Variants in NBAS observed in about 807,000 individuals in gnomAD.
NBAS encodes the protein NAG/BC035112 fusion.
NBAS carries 219 observed loss-of-function variants against 302.5 expected under a neutral mutation model. That is an observed-to-expected ratio of 0.72 (90% CI 0.65 to 0.81). NBAS has a LOEUF of 0.81. NBAS is among the 30% of genes least tolerant of loss of function. NBAS has a pLI of 0.00. For missense variants in NBAS, 2,932 were observed against 2,841.6 expected, an observed-to-expected ratio of 1.03 and a Z score of -0.72; for synonymous variants, 1,118 against 1,021.6, an observed-to-expected ratio of 1.09 and a Z score of -1.80.
At chr2:15,554,419 T>C (rs1664546911) in intron 3 of NBAS, among the ~76,000 whole-genome samples, 1 of 151,602 alleles carries the variant, frequency 6.6e-6, no homozygotes, top group Non-Finnish European at 1.5e-5. Flanking sequence ...CAGAGCAGAG[T>C]ACACTTATAC....
chr2:15,551,620 G>A lies in NBAS; in HGVS notation c.336-84C>T. On this transcript the variant is annotated intron_variant, in intron 5 of 51. Transcript: ENST00000281513. ...AATACCAGATACTGTGGACTAGACA[G>A]CCTCTATATACAATGCTCAATCATA... 4.1e-6 allele frequency: 4 copies of A among 986,696 alleles called. No individual in the cohort carries two copies. The East Asian group carries it at 1.0e-4, about 25-fold the overall frequency. 61.1% of individuals were successfully genotyped at this position (986,696 alleles called of 1,614,324 possible).
chr2:15,338,674 TACACACACAC>T lies in NBAS; in HGVS notation c.4180-7919_4180-7910del, dbSNP rs70961409. Among the ~76,000 whole-genome samples, 402 of 134,846 alleles carry T rather than the reference TACACACACAC, an allele frequency of 3.0e-3. 2 individuals are homozygous for T. Among genetic ancestry groups the T allele is most frequent in the African/African-American group, 0.01 (370 of 36,810 alleles). 88.5% of individuals were successfully genotyped at this position (134,846 alleles called of 152,430 possible). ...ACTCACATGAATACAAACACACACA[TACACACACAC>T]ACACACACACACACACACACACACA... On this transcript the variant is annotated intron_variant, in intron 35 of 51. Coordinates refer to ENST00000281513, the MANE Select transcript of NBAS (RefSeq NM_015909.4).
the NBAS span, among the ~76,000 whole-genome samples, chr2:15,151,365 C>T: frequency 1.9e-4 from 29 of 152,342 alleles, no homozygotes; most frequent in East Asian, 5.4e-3. Flanking sequence ...CAGGCACAAA[C>T]CCATCTAAAT....
rs1355926384 is a variant in NBAS at position 15,554,168 on chromosome 2, A to T, written c.210-30T>A. Reference sequence around the variant, plus strand: ...AATCACAACACATTAGTTAGCTTAAAATCTAATCATGAAAACCACATATAT... The same window carrying T: ...AATCACAACACATTAGTTAGCTTAATATCTAATCATGAAAACCACATATAT... On this transcript the variant is annotated intron_variant, in intron 3 of 51. Coordinates refer to ENST00000281513, the MANE Select transcript of NBAS (RefSeq NM_015909.4). The T allele has an allele frequency of 2.5e-6, 4 of 1,579,116 alleles. No homozygotes were observed. The South Asian group carries it at 4.5e-5, about 18-fold the overall frequency.
chr2:15,146,148 T>C, the NBAS span, among the ~76,000 whole-genome samples: 5 of 152,232 alleles, frequency 3.3e-5, no homozygotes, highest in East Asian at 5.8e-4. Flanking sequence ...TGCCACTCAC[T>C]AGCTGTGTGA....
chr2:15,360,411 A>G (rs574005245), intron 32 of NBAS, among the ~76,000 whole-genome samples: 43 of 151,648 alleles, frequency 2.8e-4, no homozygotes, highest in Middle Eastern at 3.5e-3. Context: ...CAATATTTAC[A>G]TAACTCACTG....
chr2:15,344,178 A>T (rs1283015396), intron 35 of NBAS, among the ~76,000 whole-genome samples: 1 of 152,020 alleles, frequency 6.6e-6, no homozygotes, highest in African/African-American at 2.4e-5. Flanking sequence ...AATATCAAAC[A>T]AATATCATAA....
intron 48 of NBAS, among the ~76,000 whole-genome samples, chr2:15,198,562 A>G (rs986311618): frequency 1.3e-5 from 2 of 152,144 alleles, no homozygotes; most frequent in Non-Finnish European, 2.9e-5. Flanking sequence ...GAAGCGGTAA[A>G]TAAAGTGTGC....
the NBAS span, among the ~76,000 whole-genome samples, chr2:14,858,626 A>T: frequency 7.2e-6 from 1 of 139,618 alleles, no homozygotes; most frequent in East Asian, 1.9e-4. Context: ...AATTGAACTC[A>T]TGGAGATAAC....
intron 44 of NBAS, among the ~76,000 whole-genome samples, chr2:15,266,132 C>T (rs1445548449): frequency 1.3e-5 from 2 of 152,196 alleles, no homozygotes; most frequent in Non-Finnish European, 2.9e-5. Flanking sequence ...GCTGGGCACT[C>T]ATTCTCTTTC....
the NBAS span, among the ~76,000 whole-genome samples, chr2:15,144,095 A>G: frequency 1.4e-5 from 2 of 144,368 alleles, no homozygotes; most frequent in Non-Finnish European, 3.0e-5. Flanking sequence ...CCCTCTAGAG[A>G]AACCTGACTA....
intron 11 of NBAS, among the ~76,000 whole-genome samples, chr2:15,497,790 A>G (rs969811805): frequency 2.0e-5 from 3 of 152,222 alleles, no homozygotes; most frequent in African/African-American, 4.8e-5. Flanking sequence ...TGTTGATAGC[A>G]TCCCAAAGCC....
chr2:14,802,894 TG>T, the NBAS span, among the ~76,000 whole-genome samples: 41,722 of 94,246 alleles, frequency 0.44, 7,938 homozygotes, highest in African/African-American at 0.54. Flanking sequence ...TGTGGTGGAG[TG>T]GGGGGAGGGG....
intron 50 of NBAS, among the ~76,000 whole-genome samples, chr2:15,186,319 A>C (rs575059693): frequency 1.3e-5 from 2 of 152,282 alleles, no homozygotes; most frequent in East Asian, 3.9e-4. Context: ...GTGATTATGC[A>C]ATCTCGTTAC....
rs112799809 is a variant in NBAS at position 15,558,435 on chromosome 2, C to G, written c.172+145G>C. The stretch of plus-strand genomic sequence containing the variant: ...GTAAATATACAAATGTATACATATA[C>G]ATACATATGTGTGTATATATAAATA... On this transcript the variant is annotated intron_variant, in intron 2 of 51. Transcript: ENST00000281513. 5.6e-3 allele frequency: 3,522 copies of G among 624,590 alleles called. 99 individuals are homozygous for G. The African/African-American group carries it at 0.059, about 10-fold the overall frequency. 38.7% of individuals were successfully genotyped at this position (624,590 alleles called of 1,614,324 possible).
the NBAS span, among the ~76,000 whole-genome samples, chr2:15,056,911 T>C: frequency 4.6e-5 from 7 of 151,238 alleles, no homozygotes; most frequent in Non-Finnish European, 3.0e-5. Flanking sequence ...TCACTGCAAC[T>C]TTCGCCTCCC....
chr2:14,872,631 G>A, the NBAS span, among the ~76,000 whole-genome samples: 2 of 151,960 alleles, frequency 1.3e-5, no homozygotes, highest in Non-Finnish European at 2.9e-5. Flanking sequence ...GACCTTCGGG[G>A]TGAGTGTTAC....
intron 25 of NBAS, among the ~76,000 whole-genome samples, chr2:15,405,199 T>C (rs539229537): frequency 1.3e-5 from 2 of 152,178 alleles, no homozygotes; most frequent in South Asian, 2.1e-4. Flanking sequence ...AGTCCTGGAG[T>C]ATGCTCAACA....
At chr2:15,377,486 A>G (rs992569864) in intron 30 of NBAS, among the ~76,000 whole-genome samples, 10 of 152,198 alleles carry the variant, frequency 6.6e-5, no homozygotes, top group African/African-American at 2.4e-4. Flanking sequence ...ATACTCAGTT[A>G]ATATTACAAT....
Sources: gnomAD v4.1 joint callset for allele counts (sites outside exome capture counted in the v4.1 genomes callset) on GRCh38, gnomAD v4.1.1 for gene constraint, MANE v1.5 for transcripts, NCBI Gene and HGNC (gene_info 2026-07-23, HGNC 2026-07-21) for gene names.